MTM1: variants seen among roughly 807,000 people sequenced by gnomAD.
MTM1 encodes myotubularin 1, also known as myotubularin.
Under a neutral mutation model 52.1 loss-of-function variants are expected in MTM1, and 9 were observed. That is an observed-to-expected ratio of 0.17 (90% CI 0.10 to 0.30). The LOEUF (loss-of-function observed/expected upper bound fraction) is 0.30. MTM1 is among the 10% of genes least tolerant of loss of function. The pLI is 1.00. For synonymous variants in MTM1, 136 were observed against 163.8 expected, an observed-to-expected ratio of 0.83 and a Z score of 1.29; for missense variants, 277 against 470.7, an observed-to-expected ratio of 0.59 and a Z score of 3.81.
chrX:150,633,966 C>T lies in MTM1; in HGVS notation c.445-4977C>T, dbSNP rs782289593. On this transcript the variant is annotated intron_variant, in intron 6 of 14. Transcript: ENST00000370396. ...ACGAGAATTGCTTGAACCCAGGAGG[C>T]GGAGGTTGCAGTGAGCCAAGATGGC... Among the ~76,000 whole-genome samples the T allele has an allele frequency of 2.7e-5, 3 of 112,427 alleles. No homozygotes were observed. In the South Asian group the frequency reaches 1.1e-3, roughly 41 times the overall value.
At chrX:150,671,066 C>T (rs2040387928) in intron 14 of MTM1, among the ~76,000 whole-genome samples, 1 of 111,814 alleles carries the variant, frequency 8.9e-6, no homozygotes, top group Admixed American at 9.5e-5. Flanking sequence ...AGGAAGGTCA[C>T]ATGGCAACTT....
intron 1 of MTM1, among the ~76,000 whole-genome samples, chrX:150,570,637 A>G (rs1557411418): frequency 9.0e-6 from 1 of 111,543 alleles, no homozygotes; most frequent in East Asian, 2.8e-4. Flanking sequence ...TGAGGTCAAT[A>G]TTGGTTGTTG....
In MTM1 at chrX:150,672,778, A is replaced by G. The variant is rs1393074793; in HGVS notation, c.*1183A>G. The G allele has an allele frequency of 8.9e-6, 1 of 112,304 alleles. No homozygotes were observed. Among genetic ancestry groups the G allele is most frequent in the African/African-American group, 3.2e-5 (1 of 30,932 alleles). 9.3% of individuals were successfully genotyped at this position (112,304 alleles called of 1,213,427 possible). On this transcript the variant is annotated 3_prime_UTR_variant, in exon 15 of 15. Transcript: ENST00000370396. Reference sequence around the variant, plus strand: ...TAAAAGCTAAGGCTCGAGTTAAAACAATGAAGTGTTTTACAATGATTTGTA... The same window carrying G: ...TAAAAGCTAAGGCTCGAGTTAAAACGATGAAGTGTTTTACAATGATTTGTA...
chrX:150,568,117 T>A (rs898000956), upstream of MTM1, among the ~76,000 whole-genome samples: 1 of 112,529 alleles, frequency 8.9e-6, no homozygotes, highest in Non-Finnish European at 1.9e-5. Context: ...GTGAAATTTC[T>A]TTTTCCCTTA....
chrX:150,641,427 T>C lies in MTM1; in HGVS notation c.678+9T>C, dbSNP rs1557413857. 1 of 1,210,432 alleles carries C rather than the reference T, an allele frequency of 8.3e-7. No individual in the cohort carries two copies. Among genetic ancestry groups the C allele is most frequent in the Non-Finnish European group, 1.1e-6 (1 of 894,339 alleles). On this transcript the variant is annotated intron_variant, in intron 8 of 14. Transcript: ENST00000370396. The stretch of plus-strand genomic sequence containing the variant: ...CCCGAAATCGAATTCCAGTGAGTAC[T>C]GCAATTAACGTTTCTCTTGAAGAGC...
At chrX:150,647,391 C>G (rs1264041106) in intron 9 of MTM1, among the ~76,000 whole-genome samples, 1 of 110,332 alleles carries the variant, frequency 9.1e-6, no homozygotes, top group Non-Finnish European at 1.9e-5. Flanking sequence ...AGGAAACAAG[C>G]TTCTATTTCT....
chrX:150,660,648 G>A (rs1335114787), intron 13 of MTM1, among the ~76,000 whole-genome samples, 164 bp downstream of exon 13: 1 of 112,143 alleles, frequency 8.9e-6, no homozygotes, highest in Non-Finnish European at 1.9e-5. Context: ...AGGAATACCT[G>A]AGGCTGGGTA....
chrX:150,653,708 T>C (rs782046908), intron 10 of MTM1, among the ~76,000 whole-genome samples: 16 of 112,364 alleles, frequency 1.4e-4, no homozygotes, highest in Admixed American at 6.6e-4. Flanking sequence ...TCTCAAATCA[T>C]CATTCCAGTT....
At position 150,583,756 on chromosome X, in the gene MTM1, A is replaced by G. The variant is rs1160368680; in HGVS notation, c.-10-8849A>G. Among the ~76,000 whole-genome samples, 2 of 48,004 alleles carry G rather than the reference A, an allele frequency of 4.2e-5. 1 individual carries two copies. Among genetic ancestry groups the G allele is most frequent in the Non-Finnish European group, 6.9e-5 (2 of 29,033 alleles). 41.7% of individuals were successfully genotyped at this position (48,004 alleles called of 115,157 possible). On this transcript the variant is annotated intron_variant, in intron 1 of 14. Coordinates refer to ENST00000370396, the MANE Select transcript of MTM1 (RefSeq NM_000252.3). ...ATATATTATATATAAATTAATATAT[A>G]TTAAATTAATATATATTTAATATAT...
chrX:150,611,605 G>C (rs929404273), intron 4 of MTM1, among the ~76,000 whole-genome samples: 2 of 112,106 alleles, frequency 1.8e-5, no homozygotes, highest in Non-Finnish European at 3.8e-5. Context: ...AAACCAGGAA[G>C]TGGATTGGCA....
At chrX:150,575,972 G>A (rs1344463830) in intron 1 of MTM1, among the ~76,000 whole-genome samples, 3 of 111,124 alleles carry the variant, frequency 2.7e-5, no homozygotes, top group African/African-American at 9.9e-5. Context: ...GGGAGAACCT[G>A]TGTTTTCCCT....
At chrX:150,660,900 C>A (rs2040208659) in intron 13 of MTM1, among the ~76,000 whole-genome samples, 1 of 111,948 alleles carries the variant, frequency 8.9e-6, no homozygotes, top group African/African-American at 3.3e-5. Flanking sequence ...TGACAACAAA[C>A]ACCTAAGAGA....
At chrX:150,667,832 T>A (rs1351669669) in intron 14 of MTM1, among the ~76,000 whole-genome samples, 3 of 112,303 alleles carry the variant, frequency 2.7e-5, no homozygotes, top group African/African-American at 9.7e-5. Context: ...GCTGCATTTG[T>A]ACCTGGCTTT....
At chrX:150,615,178 C>T (rs781996155) in intron 5 of MTM1, among the ~76,000 whole-genome samples, 8 of 111,668 alleles carry the variant, frequency 7.2e-5, no homozygotes, top group Non-Finnish European at 1.5e-4. Context: ...ACATTTGTGT[C>T]CATCCAAACA....
chrX:150,649,288 C>T (rs1159069091), intron 9 of MTM1, among the ~76,000 whole-genome samples: 1 of 112,612 alleles, frequency 8.9e-6, no homozygotes. Context: ...TGCATCACGT[C>T]CTACGTGAGT....
chrX:150,669,025 C>T (rs1252276068), intron 14 of MTM1, among the ~76,000 whole-genome samples: 2 of 110,576 alleles, frequency 1.8e-5, no homozygotes, highest in East Asian at 2.8e-4. Context: ...TAAGTTCCCT[C>T]CCCTCACCCC....
At chrX:150,661,947 T>G (rs1478583885) in intron 13 of MTM1, among the ~76,000 whole-genome samples, 1 of 112,383 alleles carries the variant, frequency 8.9e-6, no homozygotes, top group African/African-American at 3.2e-5. Context: ...AATTGGTAAC[T>G]ATATGAGGTG....
At chrX:150,592,411 A>G (rs1337015952) in intron 1 of MTM1, among the ~76,000 whole-genome samples, 194 bp from the exon 2 acceptor site, 1 of 110,742 alleles carries the variant, frequency 9.0e-6, no homozygotes, top group Non-Finnish European at 1.9e-5. Flanking sequence ...CTGCACCTTT[A>G]TTGGAGCTCT....
At chrX:150,595,529 T>C (rs2038960747) in intron 2 of MTM1, among the ~76,000 whole-genome samples, 1 of 112,360 alleles carries the variant, frequency 8.9e-6, no homozygotes. Context: ...AACGGAAGCA[T>C]GAGTAACTTC....
Sources: allele counts gnomAD v4.1 joint callset (sites outside exome capture counted in the v4.1 genomes callset), GRCh38; gene constraint gnomAD v4.1.1; transcripts MANE v1.5; gene names NCBI Gene and HGNC (gene_info 2026-07-23, HGNC 2026-07-21).